Variants in NRXN2 observed in about 807,000 individuals in gnomAD.
NRXN2 encodes the protein neurexin 2, also known as neurexin-2-beta.
In NRXN2, 29 loss-of-function variants were observed where a neutral mutation model predicts 128.8. The ratio of observed to expected loss-of-function variants is 0.23; its 90% confidence interval spans 0.17 to 0.31. The LOEUF is 0.31. NRXN2 is among the 10% of genes least tolerant of loss of function. The probability of loss-of-function intolerance (pLI) is 1.00; values close to 1 mark genes in which losing one functional copy is unlikely to be tolerated. For missense variants in NRXN2, 1,881 were observed against 2,452.6 expected (o/e 0.77, Z 4.92); for synonymous variants, 1,098 against 1,075.2 (o/e 1.02, Z -0.41).
intron 5 of NRXN2, among the ~76,000 whole-genome samples, chr11:64,686,823 C>T (rs1484867961): frequency 6.6e-6 from 1 of 152,216 alleles, no homozygotes; most frequent in African/African-American, 2.4e-5. Context: ...GCACCCGGCA[C>T]AGGGCCCTTC....
chr11:64,679,161 C>T (rs189413836), intron 6 of NRXN2, among the ~76,000 whole-genome samples: 7 of 152,184 alleles, frequency 4.6e-5, no homozygotes, highest in East Asian at 1.9e-4. Context: ...AGGCCCAGAA[C>T]GGTAAGTGTT....
intron 2 of NRXN2, among the ~76,000 whole-genome samples, chr11:64,706,133 T>C (rs2056266511): frequency 4.2e-5 from 2 of 47,694 alleles, no homozygotes; most frequent in South Asian, 1.5e-3. Context: ...ATATATAATA[T>C]ATATTATATA....
At chr11:64,694,754 C>T (rs183465951) in intron 3 of NRXN2, among the ~76,000 whole-genome samples, 107 of 152,282 alleles carry the variant, frequency 7.0e-4, no homozygotes, top group African/African-American at 2.5e-3. Flanking sequence ...CCCCTAAACC[C>T]AGGACCCAGA....
intron 11 of NRXN2, among the ~76,000 whole-genome samples, chr11:64,658,255 C>T (rs2048535894): frequency 6.6e-6 from 1 of 152,214 alleles, no homozygotes. Flanking sequence ...CACATATGCC[C>T]AGGCAAAGTA....
Position 64,667,212 on chromosome 11 carries a change from T to C in NRXN2, c.1798+38A>G, listed in dbSNP as rs1243150439. 2 of 1,601,318 alleles carry C rather than the reference T, an allele frequency of 1.2e-6. No individual in the cohort carries two copies. The highest frequency in any genetic ancestry group is 2.2e-5 in the East Asian group (1 of 44,788). On this transcript the variant is annotated intron_variant, in intron 9 of 22. Coordinates refer to ENST00000265459, the MANE Select transcript of NRXN2 (RefSeq NM_015080.4). The surrounding 1 kb of genome is among the most constrained non-coding windows in gnomAD (Gnocchi z 5.6). ...GGATGTCAGGGCAGATGGAAAGGGG[T>C]GGCCCATGGAAGGGGAAGGGTCCAG...
rs541026964 is a variant in NRXN2 at position 64,612,810 on chromosome 11, C to T, written c.4253-4728G>A. On this transcript the variant is annotated intron_variant, in intron 22 of 22. Transcript: ENST00000265459. ...GAGGGGCAAGAAAGCCACCAGCCTACAGGGCATTTCATGGGGGTTAGAAAA... is the reference window on the plus strand; with the variant it reads ...GAGGGGCAAGAAAGCCACCAGCCTATAGGGCATTTCATGGGGGTTAGAAAA... Among the ~76,000 whole-genome samples, 8 of 152,376 alleles carry T rather than the reference C, an allele frequency of 5.3e-5. No homozygotes were observed. The East Asian group carries it at 5.8e-4, about 11-fold the overall frequency.
rs1246496134 is a variant in NRXN2, at chr11:64,622,639, A to G, written c.4173+114T>C. On this transcript the variant is annotated intron_variant, in intron 21 of 22. Coordinates refer to ENST00000265459, the MANE Select transcript of NRXN2 (RefSeq NM_015080.4). The surrounding 1 kb of genome is among the most constrained non-coding windows in gnomAD (Gnocchi z 4.3). ...AAAGTCAGCGACAGCAGCCTTCAGG[A>G]TCCCAACAGACCCCTTGGACCCTCA... 7.0e-7 allele frequency: 1 copy of G among 1,431,428 alleles called. No individual in the cohort carries two copies. Among genetic ancestry groups the G allele is most frequent in the African/African-American group, 1.4e-5 (1 of 71,030 alleles). The allele number at this position is 1,431,428 out of a possible 1,614,324, so 88.7% of individuals were successfully genotyped here.
At chr11:64,642,762 G>A (rs1484616582) in intron 17 of NRXN2, 11 of 1,223,610 alleles carry the variant, frequency 9.0e-6, no homozygotes, top group East Asian at 6.6e-5. Context: ...GGGCCGGGGG[G>A]CGGCGCGGGC....
intron 1 of NRXN2, among the ~76,000 whole-genome samples, chr11:64,716,827 T>C (rs1464516940): frequency 6.6e-6 from 1 of 152,028 alleles, no homozygotes; most frequent in Non-Finnish European, 1.5e-5. Context: ...AGCTTCACGC[T>C]TGCCAGGTAG....
chr11:64,685,554 C>A, intron 6 of NRXN2, 92 bp downstream of exon 6: 1 of 1,528,934 alleles, frequency 6.5e-7, no homozygotes, highest in South Asian at 1.1e-5. Flanking sequence ...CAGCCCTGAT[C>A]CCTCCACCAC....
Position 64,713,292 on chromosome 11 carries a change from C to G in NRXN2, c.408G>C (p.Glu136Asp). Residue 136 changes from glutamate to aspartate, a missense_variant, in exon 2 of 23, where the codon GAG becomes GAC. Around this residue, in one of 7 missense-constraint regions of NRXN2, gnomAD observed 997 missense variants for 1,240.8 expected, o/e 0.80. Transcript: ENST00000265459. ...LAVDGEARAA[E>D]VRSKRREMQV... ...GCATCTCGCGCCGCTTGGAGCGCAC[C>G]TCGGCGGCGCGGGCCTCGCCGTCCA... 3.6e-6 allele frequency: 5 copies of G among 1,373,284 alleles called. No homozygotes were observed. The highest frequency in any genetic ancestry group is 4.7e-6 in the Non-Finnish European group (5 of 1,068,068). 85.1% of individuals were successfully genotyped at this position (1,373,284 alleles called of 1,614,324 possible). A position where few individuals can be genotyped will look rare whatever the true frequency, so the allele number is the denominator to read the frequency against.
intron 17 of NRXN2, among the ~76,000 whole-genome samples, chr11:64,644,988 G>A (rs2046415716): frequency 6.6e-6 from 1 of 152,210 alleles, no homozygotes; most frequent in Non-Finnish European, 1.5e-5. Flanking sequence ...ACATGCCAGA[G>A]CTGGATTTGG....
chr11:64,687,314 G>A (rs550231164), intron 5 of NRXN2, among the ~76,000 whole-genome samples: 7 of 146,700 alleles, frequency 4.8e-5, no homozygotes, highest in South Asian at 2.1e-4. Context: ...GGGTGGTGGC[G>A]GGGGGGGAGT....
intron 7 of NRXN2, among the ~76,000 whole-genome samples, chr11:64,669,960 A>G (rs1459059129): frequency 1.3e-5 from 2 of 151,230 alleles, no homozygotes; most frequent in Non-Finnish European, 2.9e-5. Context: ...CCTCACCCAC[A>G]CCAGTCTATA....
At position 64,607,211 on chromosome 11, in the gene NRXN2, C is replaced by A; in HGVS notation, c.5124G>T (p.Lys1708Asn). 1 of 1,613,664 alleles carries A rather than the reference C, an allele frequency of 6.2e-7. No homozygotes were observed. The highest frequency in any genetic ancestry group is 8.5e-7 in the Non-Finnish European group (1 of 1,179,866). ...TGCCGGGGGCTCAGACATAATACTC[C>A]TTGTCTTTGTTCTTCTTGGCCTTGC... ...TPSKAKKNKD[K>N]EYYV The change falls in exon 23 of 23, where the codon AAG becomes AAT. Residue 1708 changes from lysine (K) to asparagine (N), a missense_variant. Physicochemically the swap from Lys to Asn is moderately conservative, Grantham distance 94 (BLOSUM62 0). Transcript: ENST00000265459.
chr11:64,680,820 G>A (rs1186591686), intron 6 of NRXN2, among the ~76,000 whole-genome samples: 1 of 152,164 alleles, frequency 6.6e-6, no homozygotes, highest in East Asian at 1.9e-4. Flanking sequence ...ATTAGGCTCA[G>A]GCACAGTGGC....
At chr11:64,674,252 G>A (rs554159331) in intron 7 of NRXN2, among the ~76,000 whole-genome samples, 14 of 151,970 alleles carry the variant, frequency 9.2e-5, no homozygotes, top group African/African-American at 2.7e-4. Context: ...GTGCAGAGGC[G>A]TAATCTCAGC....
chr11:64,635,541 AC>A lies in NRXN2; in HGVS notation c.3404-90del. ...TCAGGGTTGTGACCAGAGGGATGGA[AC>A]CCCAGGTCTAGATGTGGGACTTCAG... On this transcript the variant is annotated intron_variant, in intron 17 of 22. Coordinates refer to ENST00000265459, the MANE Select transcript of NRXN2 (RefSeq NM_015080.4). This position sits in a 1 kb window ranked among gnomAD's most constrained non-coding sequence, Gnocchi z 4.8. 1 of 1,395,622 alleles carries A rather than the reference AC, an allele frequency of 7.2e-7. No homozygotes were observed. The allele number at this position is 1,395,622 out of a possible 1,614,324, so 86.5% of individuals were successfully genotyped here.
chr11:64,668,042 C>T (rs948577864), intron 8 of NRXN2, among the ~76,000 whole-genome samples: 9 of 152,190 alleles, frequency 5.9e-5, no homozygotes, highest in Admixed American at 1.3e-4. Context: ...TCATGTGCCC[C>T]TCACAACCTT....
Sources: gnomAD v4.1 joint callset for allele counts (sites outside exome capture counted in the v4.1 genomes callset) on GRCh38, gnomAD v4.1.1 for gene constraint, gnomAD v4.1.1 regional missense constraint, Gnocchi (gnomAD v3.1) non-coding constraint, MANE v1.5 for transcripts, NCBI Gene and HGNC (gene_info 2026-07-23, HGNC 2026-07-21) for gene names.